Variants in RBFOX1 observed in about 807,000 individuals in gnomAD.
RBFOX1 encodes RNA binding fox-1 homolog 1, also known as RNA binding protein fox-1 homolog 1.
A neutral mutation model predicts 57.7 loss-of-function variants in RBFOX1; 8 were observed. The observed-to-expected ratio is 0.14, with a 90% CI of 0.08 to 0.25. The LOEUF (loss-of-function observed/expected upper bound fraction) is 0.25. RBFOX1 is among the 10% of genes least tolerant of loss of function. The pLI is 1.00. For missense variants in RBFOX1, 611 were observed against 548.5 expected (o/e 1.11, Z -1.14); for synonymous variants, 326 against 222.4 (o/e 1.47, Z -4.15).
intron 11 of RBFOX1, among the ~76,000 whole-genome samples, chr16:7,646,227 C>A (rs534811474): frequency 6.6e-6 from 1 of 152,284 alleles, no homozygotes; most frequent in African/African-American, 2.4e-5. Context: ...GTTCATTGCA[C>A]GATGCCCTGC....
chr16:7,394,163 G>A (rs905310814), intron 4 of RBFOX1, among the ~76,000 whole-genome samples: 1 of 141,974 alleles, frequency 7.0e-6, no homozygotes, highest in African/African-American at 2.6e-5. Context: ...TTGAACCCAG[G>A]AGGCAGAGGT....
At chr16:7,025,503 C>T (rs1321480962) in intron 3 of RBFOX1, among the ~76,000 whole-genome samples, 2 of 152,138 alleles carry the variant, frequency 1.3e-5, no homozygotes, top group African/African-American at 2.4e-5. Context: ...TACCCAGCCC[C>T]TATGGAAGAT....
At chr16:7,669,149 C>T (rs1450170523) in intron 13 of RBFOX1, among the ~76,000 whole-genome samples, 1 of 152,190 alleles carries the variant, frequency 6.6e-6, no homozygotes, top group Non-Finnish European at 1.5e-5. Flanking sequence ...AGAGATCCAC[C>T]TGCCTTGGCC....
intron 3 of RBFOX1, among the ~76,000 whole-genome samples, chr16:5,641,111 C>T (rs7342801): frequency 0.55 from 82,453 of 149,962 alleles, 25,339 homozygotes; most frequent in Non-Finnish European, 0.71. Context: ...CACATGCATA[C>T]ACACACATGC....
chr16:5,690,941 C>G (rs2050658229), intron 3 of RBFOX1, among the ~76,000 whole-genome samples: 2 of 152,078 alleles, frequency 1.3e-5, no homozygotes, highest in South Asian at 2.1e-4. Flanking sequence ...TTCAGAGAGA[C>G]TGTAAAGTGG....
At chr16:5,397,509 C>G (rs1335698596) in intron 1 of RBFOX1, among the ~76,000 whole-genome samples, 1 of 152,224 alleles carries the variant, frequency 6.6e-6, no homozygotes, top group East Asian at 1.9e-4. Context: ...TCTGCAACCC[C>G]ATTCCCCTCT....
chr16:5,792,258 G>C (rs570517565), intron 3 of RBFOX1, among the ~76,000 whole-genome samples: 1 of 152,260 alleles, frequency 6.6e-6, no homozygotes, highest in South Asian at 2.1e-4. Flanking sequence ...TGTTATTCCT[G>C]TTCCAGCCCT....
At chr16:5,447,139 C>A (rs1157740520) in intron 1 of RBFOX1, among the ~76,000 whole-genome samples, 1 of 152,138 alleles carries the variant, frequency 6.6e-6, no homozygotes, top group Non-Finnish European at 1.5e-5. Context: ...CCAGTAGTTT[C>A]TCTTTTCACT....
At chr16:6,690,422 G>A (rs2154131970) in intron 3 of RBFOX1, among the ~76,000 whole-genome samples, 1 of 152,198 alleles carries the variant, frequency 6.6e-6, no homozygotes, top group South Asian at 2.1e-4. Flanking sequence ...TTAAAAAAAT[G>A]GAGGGACTAT....
chr16:6,881,701 G>A (rs111898863), intron 3 of RBFOX1, among the ~76,000 whole-genome samples: 5 of 152,284 alleles, frequency 3.3e-5, no homozygotes, highest in East Asian at 1.9e-4. Flanking sequence ...ACGTCTTAAC[G>A]TTGAATTTGC....
intron 3 of RBFOX1, among the ~76,000 whole-genome samples, chr16:5,808,208 T>C (rs1412119967): frequency 6.6e-6 from 1 of 152,158 alleles, no homozygotes; most frequent in Non-Finnish European, 1.5e-5. Flanking sequence ...GACAGAGGCA[T>C]GTACAGAGTG....
At chr16:6,510,735 C>A (rs1265400097) in intron 2 of RBFOX1, among the ~76,000 whole-genome samples, 1 of 151,930 alleles carries the variant, frequency 6.6e-6, no homozygotes, top group African/African-American at 2.4e-5. Context: ...ACAGAGAAAT[C>A]TCAGCTTAAT....
At chr16:5,571,041 C>A (rs1264410856) in intron 2 of RBFOX1, among the ~76,000 whole-genome samples, 1 of 151,804 alleles carries the variant, frequency 6.6e-6, no homozygotes, top group Non-Finnish European at 1.5e-5. Flanking sequence ...TGGATCTTTG[C>A]TGGTGAGATT....
At chr16:6,160,336 A>G (rs906920274) in intron 1 of RBFOX1, among the ~76,000 whole-genome samples, 1 of 152,196 alleles carries the variant, frequency 6.6e-6, no homozygotes, top group Non-Finnish European at 1.5e-5. Context: ...TAAAGTGGTT[A>G]TGATAGAGAA....
chr16:6,303,765 C>T (rs988131581), intron 1 of RBFOX1, among the ~76,000 whole-genome samples: 3 of 146,446 alleles, frequency 2.0e-5, no homozygotes, highest in South Asian at 2.2e-4. Flanking sequence ...CATGAGGTCA[C>T]GAGTTTGAGA....
At chr16:7,298,923 G>A (rs532268019) in intron 4 of RBFOX1, among the ~76,000 whole-genome samples, 4 of 152,312 alleles carry the variant, frequency 2.6e-5, no homozygotes, top group African/African-American at 9.6e-5. Flanking sequence ...TTCTGCATAT[G>A]TGGTCCTGTA....
At chr16:5,537,755 C>T (rs1288753896) in intron 2 of RBFOX1, among the ~76,000 whole-genome samples, 1 of 152,200 alleles carries the variant, frequency 6.6e-6, no homozygotes, top group African/African-American at 2.4e-5. Flanking sequence ...GGGAAAGGTG[C>T]TCTCTGCTTC....
intron 3 of RBFOX1, chr16:5,610,483 A>C (rs2047738305): frequency 6.6e-6 from 1 of 152,166 alleles, no homozygotes; most frequent in South Asian, 2.1e-4. Context: ...TTTACCTAAA[A>C]CTGTGGTCTT....
At chr16:6,487,114 G>A (rs2095500508) in intron 2 of RBFOX1, among the ~76,000 whole-genome samples, 1 of 151,248 alleles carries the variant, frequency 6.6e-6, no homozygotes, top group Non-Finnish European at 1.5e-5. Context: ...TCTATGAAAA[G>A]TTGTGGGGTT....
Sources: allele counts gnomAD v4.1 joint callset (sites outside exome capture counted in the v4.1 genomes callset), GRCh38; gene constraint gnomAD v4.1.1; transcripts MANE v1.5; gene names NCBI Gene and HGNC (gene_info 2026-07-23, HGNC 2026-07-21).